The following YTHDC1 variants were observed in gnomAD, a reference collection of about 807,000 sequenced individuals.
YTHDC1 encodes the protein YTH domain-containing protein 1.
Under a neutral mutation model 107.0 loss-of-function variants are expected in YTHDC1, and 12 were observed. The observed-to-expected ratio is 0.11, with a 90% CI of 0.07 to 0.18. The LOEUF is 0.18. YTHDC1 is among the 10% of genes least tolerant of loss of function. YTHDC1 has a pLI of 1.00. For missense variants in YTHDC1, 635 were observed against 898.8 expected, an observed-to-expected ratio of 0.71 and a Z score of 3.75; for synonymous variants, 280 against 289.5, an observed-to-expected ratio of 0.97 and a Z score of 0.33.
chr4:68,342,064 A>C (rs1398479026), intron 1 of YTHDC1, among the ~76,000 whole-genome samples: 2 of 152,208 alleles, frequency 1.3e-5, no homozygotes, highest in Non-Finnish European at 2.9e-5. Context: ...TTCCTTCTTC[A>C]ACAAAACAGG....
chr4:68,338,289 T>G lies in YTHDC1; in HGVS notation c.124A>C (p.Lys42Gln), dbSNP rs1206239710. 6 of 1,603,294 alleles carry G rather than the reference T, an allele frequency of 3.7e-6. No individual in the cohort carries two copies. Among genetic ancestry groups the G allele is most frequent in the Non-Finnish European group, 5.1e-6 (6 of 1,175,016 alleles). Residue 42 changes from lysine (K) to glutamine (Q), a missense_variant, in exon 2 of 17, where the codon AAA becomes CAA. Around this residue, in one of 5 missense-constraint regions of YTHDC1, gnomAD observed 294 missense variants for 312.3 expected, o/e 0.94. Transcript: ENST00000344157. ...NPESEQDKNE[K>Q]KGSKRKSDRM... ...TAATAGAACTCTTACATACCCTTTT[T>G]CTCATTTTTATCTTGTTCACTCTCT...
intron 9 of YTHDC1, among the ~76,000 whole-genome samples, chr4:68,329,368 C>T (rs1039465642): frequency 6.6e-6 from 1 of 152,068 alleles, no homozygotes; most frequent in Non-Finnish European, 1.5e-5. Context: ...GATCTAATAC[C>T]CAAAAACAAC....
At chr4:68,338,461 A>C in intron 1 of YTHDC1, 77 bp from the exon 2 acceptor site, 1 of 1,050,112 alleles carries the variant, frequency 9.5e-7, no homozygotes, top group Non-Finnish European at 1.4e-6. Flanking sequence ...ACTAAGTGTG[A>C]GGCCACAAGC....
intron 1 of YTHDC1, among the ~76,000 whole-genome samples, chr4:68,345,797 ATGT>A (rs1483787185): frequency 1.3e-5 from 2 of 152,092 alleles, no homozygotes; most frequent in African/African-American, 4.8e-5. Flanking sequence ...GTATATACAA[ATGT>A]TGTGGCACAG....
Position 68,318,601 on chromosome 4 carries a change from T to C in YTHDC1, c.1762-20A>G. ...GTAGGACTAAAATAAAAGATGATAA[T>C]GTCAATATAATTAAAAATTATCACA... On this transcript the variant is annotated intron_variant, in intron 14 of 16. Coordinates refer to ENST00000344157, the MANE Select transcript of YTHDC1 (RefSeq NM_001031732.4). 6.2e-7 allele frequency: 1 copy of C among 1,609,234 alleles called. No individual in the cohort carries two copies. The highest frequency in any genetic ancestry group is 2.2e-5 in the East Asian group (1 of 44,808).
intron 1 of YTHDC1, among the ~76,000 whole-genome samples, chr4:68,343,697 G>T (rs573031482): frequency 2.6e-5 from 4 of 151,582 alleles, no homozygotes; most frequent in African/African-American, 9.7e-5. Context: ...CCACCACGCC[G>T]AGCTAAATTT....
intron 4 of YTHDC1, 33 bp from the exon 5 acceptor site, chr4:68,333,430 C>T (rs1723809667): frequency 3.4e-6 from 5 of 1,476,370 alleles, no homozygotes; most frequent in Non-Finnish European, 3.7e-6. Context: ...TTTTAAATCA[C>T]AATACAGAAA....
intron 7 of YTHDC1, 104 bp downstream of exon 7, chr4:68,331,999 G>A (rs1723637894): frequency 2.6e-5 from 16 of 611,478 alleles, no homozygotes; most frequent in Non-Finnish European, 3.7e-5. Context: ...CTTTAAAGCC[G>A]TAATGAAAAT....
intron 1 of YTHDC1, among the ~76,000 whole-genome samples, chr4:68,339,777 A>G (rs1234804959): frequency 1.3e-5 from 2 of 152,178 alleles, no homozygotes; most frequent in Admixed American, 6.5e-5. Flanking sequence ...TATATAATAA[A>G]AAAAACATTT....
At chr4:68,318,428 G>A (rs953723768) in intron 15 of YTHDC1, 91 bp downstream of exon 15, 2 of 1,288,310 alleles carry the variant, frequency 1.6e-6, no homozygotes, top group African/African-American at 1.5e-5. Flanking sequence ...TCTTTAATGA[G>A]TAACTGTAAC....
In YTHDC1 at chr4:68,338,370, C is replaced by T; in HGVS notation, c.43G>A (p.Val15Ile). The change falls in exon 2 of 17, where the codon GTT becomes ATT. Residue 15 changes from valine to isoleucine, a missense_variant. Coordinates refer to ENST00000344157, the MANE Select transcript of YTHDC1 (RefSeq NM_001031732.4). Reference protein sequence around the residue: ...SREEKDGELNVLDDILTEVPE... With the variant: ...SREEKDGELNILDDILTEVPE... ...ACTTCAGTTAAAATATCATCCAGAA[C>T]ATTAAGTTCTCCATCTGCAAATAAA... 1 of 1,597,192 alleles carries T rather than the reference C, an allele frequency of 6.3e-7. No homozygotes were observed. Among genetic ancestry groups the T allele is most frequent in the Non-Finnish European group, 8.5e-7 (1 of 1,173,870 alleles).
chr4:68,314,056 AG>A lies in YTHDC1; in HGVS notation c.*42del. 1 of 1,580,496 alleles carries A rather than the reference AG, an allele frequency of 6.3e-7. No homozygotes were observed. The highest frequency in any genetic ancestry group is 8.6e-7 in the Non-Finnish European group (1 of 1,161,106). On this transcript the variant is annotated 3_prime_UTR_variant, in exon 17 of 17. Transcript: ENST00000344157. ...TAAACACACACAAAAAAAAAATACA[AG>A]ATTTTTTGTATCTTTAAACAATCAG...
rs1721275703 is a variant in YTHDC1, at chr4:68,311,151, T to G, written c.*2948A>C. 6.6e-6 allele frequency: 1 copy of G among 152,206 alleles called. No homozygotes were observed. The highest frequency in any genetic ancestry group is 1.9e-4 in the East Asian group (1 of 5,198). The allele number at this position is 152,206 out of a possible 1,614,324, so 9.4% of individuals were successfully genotyped here. ...TTGGAAATACAGATTGGATTACGGC[T>G]GGCTCCAAAACCAACATGGCTATTC... On this transcript the variant is annotated 3_prime_UTR_variant, in exon 17 of 17. Coordinates refer to ENST00000344157, the MANE Select transcript of YTHDC1 (RefSeq NM_001031732.4).
chr4:68,340,954 A>G (rs1164494105), intron 1 of YTHDC1, among the ~76,000 whole-genome samples: 4 of 152,234 alleles, frequency 2.6e-5, no homozygotes, highest in South Asian at 4.1e-4. Flanking sequence ...AACGAATTCA[A>G]ATTCAGATAC....
At chr4:68,343,764 C>T (rs1214925430) in intron 1 of YTHDC1, among the ~76,000 whole-genome samples, 3 of 139,676 alleles carry the variant, frequency 2.1e-5, no homozygotes, top group Admixed American at 2.0e-4. Context: ...TCTTGAACTC[C>T]TGACCTCAGG....
intron 1 of YTHDC1, among the ~76,000 whole-genome samples, chr4:68,345,839 T>A (rs1053719522): frequency 1.3e-5 from 2 of 151,966 alleles, no homozygotes; most frequent in Admixed American, 6.6e-5. Flanking sequence ...GATACACAAA[T>A]ATTTCCCATT....
chr4:68,337,224 CCAT>C lies in YTHDC1; in HGVS notation c.683_685del (p.Asp228del). On this transcript the variant is annotated inframe_deletion, in exon 4 of 17. Transcript: ENST00000344157. ...CTCCTCCTCTTCCTCCTCCTCCTCT[CCAT>C]CTTCATCCACCTCTTCATCTTCTTC... is the stretch of plus-strand genomic sequence containing the variant. 6.3e-7 allele frequency: 1 copy of C among 1,597,490 alleles called. No individual in the cohort carries two copies. The highest frequency in any genetic ancestry group is 8.6e-7 in the Non-Finnish European group (1 of 1,166,432).
intron 1 of YTHDC1, among the ~76,000 whole-genome samples, chr4:68,346,123 G>A (rs866484950): frequency 7.8e-5 from 11 of 141,780 alleles, no homozygotes; most frequent in African/African-American, 2.8e-4. Flanking sequence ...GCATGTAACC[G>A]TCTGTATAAC....
intron 1 of YTHDC1, among the ~76,000 whole-genome samples, chr4:68,348,474 C>CAAAAAAA (rs34746525): frequency 8.3e-6 from 1 of 120,986 alleles, no homozygotes; most frequent in Non-Finnish European, 1.8e-5. Flanking sequence ...CTGGATTTCT[C>CAAAAAAA]AAAAAAAAAA....
Sources: allele counts gnomAD v4.1 joint callset (sites outside exome capture counted in the v4.1 genomes callset), GRCh38; gene constraint gnomAD v4.1.1; regional missense constraint gnomAD v4.1.1; transcripts MANE v1.5; gene names NCBI Gene and HGNC (gene_info 2026-07-23, HGNC 2026-07-21).